NRDC: variants seen among roughly 807,000 people sequenced by gnomAD.
NRDC encodes the protein nardilysin.
In NRDC, 54 loss-of-function variants were observed where a neutral mutation model predicts 147.1. The ratio of observed to expected loss-of-function variants is 0.37; its 90% CI spans 0.29 to 0.46. The LOEUF is 0.46. Ranked by LOEUF, NRDC falls within the 20% of genes least tolerant of loss-of-function variation. The probability of loss-of-function intolerance (pLI) is 1.00; values close to 1 mark genes in which losing one functional copy is unlikely to be tolerated. For missense variants in NRDC, 1,082 were observed against 1,370.6 expected (o/e 0.79, Z 3.33); for synonymous variants, 440 against 482.1 (o/e 0.91, Z 1.14).
At chr1:51,846,138 G>A (rs1037721161) in intron 1 of NRDC, among the ~76,000 whole-genome samples, 3 of 151,130 alleles carry the variant, frequency 2.0e-5, no homozygotes, top group Non-Finnish European at 2.9e-5. Flanking sequence ...TTGAGACCAA[G>A]CCTCACTCTG....
In NRDC at chr1:51,827,324, T is replaced by C. The variant is rs533552471; in HGVS notation, c.940+472A>G. Among the ~76,000 whole-genome samples the C allele has an allele frequency of 7.2e-5, 11 of 152,320 alleles. No individual in the cohort carries two copies. The South Asian group carries it at 2.3e-3, about 32-fold the overall frequency. On this transcript the variant is annotated intron_variant, in intron 5 of 30. Transcript: ENST00000352171. ...GTGGAACAAATACAGAGACTTGCAG[T>C]GGCTATAAGCCAAGCCTAACCTATA...
chr1:51,820,050 CT>C (rs1680144626), intron 8 of NRDC, among the ~76,000 whole-genome samples, 177 bp from the exon 9 acceptor site: 1 of 152,162 alleles, frequency 6.6e-6, no homozygotes, highest in African/African-American at 2.4e-5. Context: ...GTTACACAAT[CT>C]GTTCTTAGCC....
intron 1 of NRDC, among the ~76,000 whole-genome samples, chr1:51,851,096 G>A (rs1331173355): frequency 5.3e-5 from 8 of 152,254 alleles, no homozygotes; most frequent in East Asian, 1.9e-4. Flanking sequence ...GGACAGATCC[G>A]TGTATTTGGC....
At chr1:51,809,742 A>C (rs1679626461) in intron 16 of NRDC, among the ~76,000 whole-genome samples, 1 of 152,112 alleles carries the variant, frequency 6.6e-6, no homozygotes, top group East Asian at 1.9e-4. Flanking sequence ...ATTTCTACTA[A>C]AAATACAAAA....
At chr1:51,792,642 AGCATAGAATT>A (rs1678710876) in intron 24 of NRDC, among the ~76,000 whole-genome samples, 1 of 152,200 alleles carries the variant, frequency 6.6e-6, no homozygotes, top group Non-Finnish European at 1.5e-5. Flanking sequence ...TCCCGGCACT[AGCATAGAATT>A]GCAGGTGCAA....
intron 1 of NRDC, among the ~76,000 whole-genome samples, chr1:51,875,779 C>T (rs1470181211): frequency 6.6e-6 from 1 of 152,080 alleles, no homozygotes. Context: ...GTCTCGAAAT[C>T]CTGCGCTCAA....
chr1:51,875,572 GTTT>G (rs1683282385), intron 1 of NRDC, among the ~76,000 whole-genome samples: 1 of 151,756 alleles, frequency 6.6e-6, no homozygotes, highest in Admixed American at 6.6e-5. Context: ...TTATTTATTT[GTTT>G]TTTGAGACAG....
chr1:51,861,719 G>A (rs920860750), intron 1 of NRDC, among the ~76,000 whole-genome samples: 1 of 152,110 alleles, frequency 6.6e-6, no homozygotes, highest in African/African-American at 2.4e-5. Flanking sequence ...CTCTATAAAT[G>A]TTTAAATGGC....
chr1:51,818,176 T>C lies in NRDC; in HGVS notation c.1292-41A>G. On this transcript the variant is annotated intron_variant, in intron 9 of 30. Coordinates refer to ENST00000352171, the MANE Select transcript of NRDC (RefSeq NM_001101662.2). ...TTCCAGAAGAACAGATGTAAGTGTT[T>C]CTCTATGACTTTTACTACAAGAATG... 2 of 1,322,500 alleles carry C rather than the reference T, an allele frequency of 1.5e-6. 1 individual carries two copies. Among genetic ancestry groups the C allele is most frequent in the South Asian group, 2.7e-5 (2 of 75,136 alleles). The allele number at this position is 1,322,500 out of a possible 1,614,324, so 81.9% of individuals were successfully genotyped here. A position where few individuals can be genotyped will look rare whatever the true frequency, so the allele number is the denominator to read the frequency against.
chr1:51,856,945 G>C (rs551280563), intron 1 of NRDC, among the ~76,000 whole-genome samples: 1 of 152,216 alleles, frequency 6.6e-6, no homozygotes, highest in African/African-American at 2.4e-5. Flanking sequence ...CAGGAACAAT[G>C]GATGAAAACC....
chr1:51,876,132 A>T (rs1055149949), intron 1 of NRDC, among the ~76,000 whole-genome samples: 1 of 151,542 alleles, frequency 6.6e-6, no homozygotes, highest in Admixed American at 6.6e-5. Flanking sequence ...TGTAGATTCC[A>T]TAAATATTAG....
chr1:51,844,355 T>TA (rs1681426307), intron 1 of NRDC, among the ~76,000 whole-genome samples: 1 of 152,122 alleles, frequency 6.6e-6, no homozygotes, highest in Admixed American at 6.5e-5. Flanking sequence ...TAGGTCTGAA[T>TA]CCAATCTGAA....
Position 51,878,580 on chromosome 1 carries a change from G to A in NRDC, c.36C>T (p.Ala12=), listed in dbSNP as rs777378501. 2 of 1,613,124 alleles carry A rather than the reference G, an allele frequency of 1.2e-6. No homozygotes were observed. Among genetic ancestry groups the A allele is most frequent in the Non-Finnish European group, 8.5e-7 (1 of 1,179,668 alleles). ...LRRVTVAAVC[A]TRRKLCEAGR... ...CGGCCTCACACAACTTCCTCCGGGT[G>A]GCACAGACTGCAGCAACAGTGACTC... is the stretch of plus-strand genomic sequence containing the variant. The change falls in exon 1 of 31, where the codon GCC becomes GCT. Residue 12 remains alanine, a synonymous_variant. Coordinates refer to ENST00000352171, the MANE Select transcript of NRDC (RefSeq NM_001101662.2).
At chr1:51,800,912 G>A (rs1679163886) in intron 20 of NRDC, 1 of 444,974 alleles carries the variant, frequency 2.2e-6, no homozygotes, top group African/African-American at 2.0e-5. Context: ...ACTATCGACT[G>A]TAATTCATTA....
At chr1:51,846,008 T>C (rs957693003) in intron 1 of NRDC, among the ~76,000 whole-genome samples, 1 of 151,786 alleles carries the variant, frequency 6.6e-6, no homozygotes, top group Non-Finnish European at 1.5e-5. Context: ...TAAATGCATA[T>C]AAAGTTACAA....
chr1:51,867,606 C>G (rs755117234), intron 1 of NRDC, among the ~76,000 whole-genome samples: 2 of 152,156 alleles, frequency 1.3e-5, no homozygotes, highest in Non-Finnish European at 2.9e-5. Flanking sequence ...GAACTATGAA[C>G]AGTGGTGACC....
At chr1:51,873,117 G>A (rs970621478) in intron 1 of NRDC, among the ~76,000 whole-genome samples, 2 of 149,858 alleles carry the variant, frequency 1.3e-5, no homozygotes, top group Non-Finnish European at 2.9e-5. Context: ...ACGGTTCCAG[G>A]AGTTTTCATT....
At chr1:51,830,618 T>C (rs1680664120) in intron 4 of NRDC, among the ~76,000 whole-genome samples, 1 of 152,176 alleles carries the variant, frequency 6.6e-6, no homozygotes, top group African/African-American at 2.4e-5. Flanking sequence ...GCCTCATCCT[T>C]TTTCACAACC....
intron 28 of NRDC, 77 bp from the exon 29 acceptor site, chr1:51,790,726 C>T: frequency 1.8e-6 from 2 of 1,120,902 alleles, no homozygotes; most frequent in Non-Finnish European, 2.7e-6. Flanking sequence ...CCCTGTCCAG[C>T]CCGGCTTGTG....
Sources: allele counts gnomAD v4.1 joint callset (sites outside exome capture counted in the v4.1 genomes callset), GRCh38; gene constraint gnomAD v4.1.1; transcripts MANE v1.5; gene names NCBI Gene and HGNC (gene_info 2026-07-23, HGNC 2026-07-21).